Variants in MOCOS observed in about 807,000 individuals in gnomAD.
MOCOS encodes the protein molybdenum cofactor sulfurase.
Under a neutral mutation model 83.6 loss-of-function variants are expected in MOCOS, and 86 were observed. The ratio of observed to expected loss-of-function variants is 1.03; its 90% confidence interval spans 0.86 to 1.23. The LOEUF (loss-of-function observed/expected upper bound fraction) is 1.23. MOCOS is among the 50% of genes most tolerant of loss of function. The pLI is 0.00. For synonymous variants in MOCOS, 445 were observed against 434.7 expected, an observed-to-expected ratio of 1.02 and a Z score of -0.29; for missense variants, 1,120 against 1,126.9, an observed-to-expected ratio of 0.99 and a Z score of 0.09.
intron 8 of MOCOS, among the ~76,000 whole-genome samples, chr18:36,218,822 A>G (rs2091484441): frequency 6.7e-6 from 1 of 148,708 alleles, no homozygotes; most frequent in Non-Finnish European, 1.5e-5. Flanking sequence ...GCCCAGCTCT[A>G]CTCACTTTAT....
intron 1 of MOCOS, among the ~76,000 whole-genome samples, chr18:36,193,343 A>AAAT (rs2091374182): frequency 1.4e-5 from 2 of 142,582 alleles, no homozygotes; most frequent in East Asian, 3.9e-4. Flanking sequence ...AAAAAAAAAA[A>AAAT]AAAAAAAAAA....
At chr18:36,252,189 T>G (rs1412243851) in intron 11 of MOCOS, among the ~76,000 whole-genome samples, 1 of 152,154 alleles carries the variant, frequency 6.6e-6, no homozygotes, top group Non-Finnish European at 1.5e-5. Flanking sequence ...TTACCTGGCC[T>G]AGTGATCAGT....
intron 9 of MOCOS, among the ~76,000 whole-genome samples, chr18:36,227,745 T>G (rs932454473): frequency 6.6e-6 from 1 of 152,226 alleles, no homozygotes; most frequent in South Asian, 2.1e-4. Context: ...TTCTCTCCAA[T>G]CTAGGCAATA....
chr18:36,193,317 CAAAAAAAAAAAAAAAAAAAA>C (rs555145311), intron 1 of MOCOS, among the ~76,000 whole-genome samples: 24 of 38,310 alleles, frequency 6.3e-4, no homozygotes, highest in East Asian at 2.7e-3. Context: ...GACTCCGTCT[CAAAAAAAAAAAAAAAAAAAA>C]AAAAAAAAAA....
intron 9 of MOCOS, among the ~76,000 whole-genome samples, chr18:36,247,266 C>T (rs1458331161): frequency 6.6e-6 from 1 of 152,164 alleles, no homozygotes; most frequent in Admixed American, 6.5e-5. Flanking sequence ...GAGATCTTGC[C>T]CCAGGCTACA....
intron 8 of MOCOS, among the ~76,000 whole-genome samples, chr18:36,219,137 G>A (rs1428849660): frequency 6.6e-6 from 1 of 150,958 alleles, no homozygotes; most frequent in African/African-American, 2.4e-5. Context: ...AAAGTGCTGG[G>A]ATTATAGGAA....
At chr18:36,214,744 A>G (rs1202399999) in intron 7 of MOCOS, among the ~76,000 whole-genome samples, 1 of 152,096 alleles carries the variant, frequency 6.6e-6, no homozygotes, top group Non-Finnish European at 1.5e-5. Context: ...AGGAGATAGG[A>G]GAGAGGGAGG....
intron 11 of MOCOS, 149 bp downstream of exon 11, chr18:36,251,432 GC>G: frequency 9.1e-7 from 1 of 1,104,324 alleles, no homozygotes; most frequent in Non-Finnish European, 1.3e-6. Flanking sequence ...TACTGCAGTA[GC>G]CCCAGGTCAG....
intron 6 of MOCOS, among the ~76,000 whole-genome samples, chr18:36,208,786 G>A (rs559046616): frequency 6.6e-6 from 1 of 152,246 alleles, no homozygotes; most frequent in African/African-American, 2.4e-5. Flanking sequence ...TCTTTTATTT[G>A]TTTCTCTTGC....
intron 9 of MOCOS, among the ~76,000 whole-genome samples, chr18:36,240,269 T>C (rs1235082036): frequency 6.9e-5 from 8 of 116,222 alleles, no homozygotes; most frequent in Non-Finnish European, 1.4e-4. Flanking sequence ...TGTGGTTTTA[T>C]CTACTTTTGG....
intron 8 of MOCOS, 61 bp from the exon 9 acceptor site, chr18:36,219,994 A>C (rs2091490008): frequency 5.0e-6 from 8 of 1,604,186 alleles, no homozygotes; most frequent in Middle Eastern, 2.2e-4. Flanking sequence ...GCCACTGTAC[A>C]AATAGGTGAA....
chr18:36,212,566 C>T (rs1354530614), intron 6 of MOCOS, among the ~76,000 whole-genome samples: 1 of 152,142 alleles, frequency 6.6e-6, no homozygotes, highest in Non-Finnish European at 1.5e-5. Flanking sequence ...CAGAATTGTT[C>T]ATCTGAAGCC....
chr18:36,239,701 A>G (rs367620566), intron 9 of MOCOS, among the ~76,000 whole-genome samples: 18 of 147,308 alleles, frequency 1.2e-4, no homozygotes, highest in Non-Finnish European at 2.4e-4. Flanking sequence ...GATTGGGGAA[A>G]TTCTCCTGGA....
chr18:36,215,910 G>C lies in MOCOS; in HGVS notation c.1730G>C (p.Gly577Ala). Residue 577 changes from glycine to alanine, a missense_variant, in exon 8 of 15, where the codon GGG (glycine) becomes GCG (alanine). Coordinates refer to ENST00000261326, the MANE Select transcript of MOCOS (RefSeq NM_017947.4). Reference sequence around the variant, plus strand: ...GAGAAAGCTGCAGGAGTCCTGGAGGGGGCCCTTGGGCCACATGTTGTCACT... The same window carrying C: ...GAGAAAGCTGCAGGAGTCCTGGAGGCGGCCCTTGGGCCACATGTTGTCACT... Reference protein sequence around the residue: ...PSEKAAGVLEGALGPHVVTNL... With the variant: ...PSEKAAGVLEAALGPHVVTNL... The C allele has an allele frequency of 6.2e-7, 1 of 1,613,746 alleles. No homozygotes were observed. The highest frequency in any genetic ancestry group is 1.1e-5 in the South Asian group (1 of 91,084).
intron 9 of MOCOS, among the ~76,000 whole-genome samples, chr18:36,232,343 A>G (rs2091541514): frequency 6.6e-6 from 1 of 152,160 alleles, no homozygotes; most frequent in African/African-American, 2.4e-5. Flanking sequence ...TTTTGAACAG[A>G]TACAGTAATT....
At chr18:36,248,797 C>T in intron 9 of MOCOS, 125 bp from the exon 10 acceptor site, 1 of 769,656 alleles carries the variant, frequency 1.3e-6, no homozygotes, top group Non-Finnish European at 2.2e-6. Flanking sequence ...TCACATTGGT[C>T]TATGTGTCTA....
intron 9 of MOCOS, among the ~76,000 whole-genome samples, chr18:36,220,768 A>T (rs1253515774): frequency 6.6e-6 from 1 of 151,862 alleles, no homozygotes; most frequent in African/African-American, 2.4e-5. Context: ...TAAAAATACA[A>T]AAAGAAGCTG....
intron 6 of MOCOS, among the ~76,000 whole-genome samples, chr18:36,210,537 A>G (rs1051642148): frequency 6.6e-6 from 1 of 152,280 alleles, no homozygotes; most frequent in South Asian, 2.1e-4. Flanking sequence ...CATTGGTAAC[A>G]TAAGTTTTAT....
At position 36,195,140 on chromosome 18, in the gene MOCOS, C is replaced by G. The variant is rs2091382051; in HGVS notation, c.143-117C>G. On this transcript the variant is annotated intron_variant, in intron 1 of 14. Transcript: ENST00000261326. ...TACACTTGGATTAAGAGGCACATAT[C>G]AAGAGGCACAAGTCAGTGGCCTGAT... 8.3e-6 allele frequency: 7 copies of G among 841,596 alleles called. No homozygotes were observed. The Admixed American group carries it at 1.3e-4, about 15-fold the overall frequency. 52.1% of individuals were successfully genotyped at this position (841,596 alleles called of 1,614,324 possible).
Sources: gnomAD v4.1 joint callset for allele counts (sites outside exome capture counted in the v4.1 genomes callset) on GRCh38, gnomAD v4.1.1 for gene constraint, MANE v1.5 for transcripts, NCBI Gene and HGNC (gene_info 2026-07-23, HGNC 2026-07-21) for gene names.